The following KRT8 variants were observed in gnomAD, a reference collection of about 807,000 sequenced individuals.
The protein encoded by KRT8 is keratin 8.
Under a neutral mutation model 43.0 loss-of-function variants are expected in KRT8, and 24 were observed. That is an observed-to-expected ratio of 0.56 (90% confidence interval 0.40 to 0.78). KRT8 has a LOEUF of 0.78. Ranked by LOEUF, KRT8 falls within the 30% of genes least tolerant of loss-of-function variation. The probability of loss-of-function intolerance (pLI) is 0.00; values close to 1 mark genes in which losing one functional copy is unlikely to be tolerated. For synonymous variants in KRT8, 214 were observed against 261.2 expected, an observed-to-expected ratio of 0.82 and a Z score of 1.74; for missense variants, 492 against 638.4, an observed-to-expected ratio of 0.77 and a Z score of 2.47.
At chr12:52,948,742 G>C in intron 2 of KRT8, 1 of 400,702 alleles carries the variant, frequency 2.5e-6, no homozygotes, top group Non-Finnish European at 4.4e-6. Context: ...CGCCCACCTA[G>C]GCCTCCCAAA....
At chr12:52,918,481 G>T (rs1425482169) in intron 2 of KRT8, among the ~76,000 whole-genome samples, 1 of 152,172 alleles carries the variant, frequency 6.6e-6, no homozygotes, top group African/African-American at 2.4e-5. Flanking sequence ...TGGCATCTGA[G>T]CCCCGCCAGA....
chr12:52,927,975 T>C (rs1413306048), intron 2 of KRT8, among the ~76,000 whole-genome samples: 3 of 152,114 alleles, frequency 2.0e-5, no homozygotes, highest in Non-Finnish European at 4.4e-5. Flanking sequence ...GAGAATCGCT[T>C]GAGAGGCGGG....
intron 2 of KRT8, among the ~76,000 whole-genome samples, chr12:52,918,046 A>AGAAGAG (rs1592174142): frequency 6.9e-6 from 1 of 143,922 alleles, no homozygotes; most frequent in East Asian, 2.0e-4. Context: ...GAGAAGAAGA[A>AGAAGAG]GAAGAGGAAG....
intron 3 of KRT8, chr12:52,900,892 C>A: frequency 1.6e-6 from 1 of 637,776 alleles, no homozygotes. Flanking sequence ...CCTCTTCCAC[C>A]TCCTTCTCTA....
chr12:52,909,859 G>C (rs965345601), upstream of KRT8, among the ~76,000 whole-genome samples: 3 of 152,216 alleles, frequency 2.0e-5, no homozygotes, highest in African/African-American at 7.2e-5. Flanking sequence ...TAGAACAAGA[G>C]TGAGGGAGGA....
chr12:52,902,492 C>T (rs912312765), intron 1 of KRT8, among the ~76,000 whole-genome samples: 3 of 152,018 alleles, frequency 2.0e-5, no homozygotes, highest in African/African-American at 7.2e-5. Context: ...ATTCTCCTGC[C>T]CCTGCCTCAG....
chr12:52,913,431 G>A (rs537180905), intron 2 of KRT8, among the ~76,000 whole-genome samples: 1 of 152,332 alleles, frequency 6.6e-6, no homozygotes, highest in South Asian at 2.1e-4. Flanking sequence ...GCTTCAGACT[G>A]AAAACAATGA....
chr12:52,943,206 G>A (rs537710301), intron 2 of KRT8, among the ~76,000 whole-genome samples: 7 of 152,202 alleles, frequency 4.6e-5, no homozygotes, highest in Admixed American at 3.9e-4. Flanking sequence ...CCTGTCCGTC[G>A]CTGATAAACT....
chr12:52,926,536 C>T lies in KRT8; in HGVS notation c.-46-21509G>A. 9.3e-6 allele frequency: 12 copies of T among 1,296,204 alleles called. No homozygotes were observed. The South Asian group carries it at 1.5e-4, about 17-fold the overall frequency. 80.3% of individuals were successfully genotyped at this position (1,296,204 alleles called of 1,614,324 possible). ...GTCACCTCTGCCGGAAGTGGCCACT[C>T]CTATAGAGACCCCAAGAATAGGGCT... is the stretch of plus-strand genomic sequence containing the variant. On this transcript the variant is annotated intron_variant, in intron 2 of 6. Transcript: ENST00000546826.
At chr12:52,936,029 G>A (rs1353317159) in intron 2 of KRT8, among the ~76,000 whole-genome samples, 1 of 152,150 alleles carries the variant, frequency 6.6e-6, no homozygotes, top group African/African-American at 2.4e-5. Context: ...CGAGGCAGGT[G>A]GATCACGAGG....
At chr12:52,935,412 G>T (rs1461898218) in intron 2 of KRT8, among the ~76,000 whole-genome samples, 1 of 101,232 alleles carries the variant, frequency 9.9e-6, no homozygotes, top group Non-Finnish European at 1.8e-5. Context: ...AAAAAAAAAG[G>T]CCGGGCACAG....
intron 2 of KRT8, among the ~76,000 whole-genome samples, chr12:52,941,511 A>C (rs1473033545): frequency 1.3e-5 from 1 of 76,642 alleles, no homozygotes; most frequent in Non-Finnish European, 2.3e-5. Flanking sequence ...TTTTTGAGAC[A>C]GTGTTTCACT....
chr12:52,913,945 G>T (rs1386340827), intron 2 of KRT8, among the ~76,000 whole-genome samples: 1 of 152,178 alleles, frequency 6.6e-6, no homozygotes, highest in Non-Finnish European at 1.5e-5. Flanking sequence ...CTCAGGCTGA[G>T]AGAGGTGGCT....
chr12:52,901,213 C>T, exon 3 of KRT8: 1 of 1,610,884 alleles, frequency 6.2e-7, no homozygotes, highest in South Asian at 1.1e-5. Flanking sequence ...TGATCTCATC[C>T]TCATACCTGT....
chr12:52,923,650 C>T (rs189613589), intron 2 of KRT8, among the ~76,000 whole-genome samples: 332 of 151,976 alleles, frequency 2.2e-3, no homozygotes, highest in African/African-American at 7.3e-3. Context: ...AATCTCCTGA[C>T]CTCGTGATCC....
intron 2 of KRT8, among the ~76,000 whole-genome samples, chr12:52,914,934 G>A (rs566603661): frequency 3.9e-5 from 6 of 152,284 alleles, no homozygotes; most frequent in South Asian, 2.1e-4. Flanking sequence ...GACTCTCCAA[G>A]GCTGATATAG....
intron 2 of KRT8, among the ~76,000 whole-genome samples, chr12:52,917,708 C>CAAAAAAAAAA (rs535303270): frequency 3.3e-5 from 1 of 29,958 alleles, no homozygotes; most frequent in Non-Finnish European, 5.7e-5. Context: ...GACTCTGTCT[C>CAAAAAAAAAA]AAAAAAAAAA....
chr12:52,911,238 G>A (rs1941631047), upstream of KRT8, among the ~76,000 whole-genome samples: 1 of 152,148 alleles, frequency 6.6e-6, no homozygotes, highest in Non-Finnish European at 1.5e-5. Context: ...TGTAATCCCA[G>A]CTACTTGGGA....
intron 2 of KRT8, among the ~76,000 whole-genome samples, chr12:52,921,096 A>AAGCCCAGGCC (rs1214491254): frequency 1.3e-5 from 2 of 152,312 alleles, no homozygotes; most frequent in East Asian, 1.9e-4. Flanking sequence ...GGAATGGGCT[A>AAGCCCAGGCC]AGCCCAGGCC....
Sources: gnomAD v4.1 joint callset for allele counts (sites outside exome capture counted in the v4.1 genomes callset) on GRCh38, gnomAD v4.1.1 for gene constraint, MANE v1.5 for transcripts, NCBI Gene and HGNC (gene_info 2026-07-23, HGNC 2026-07-21) for gene names.